Variants in CDK14 observed in about 807,000 individuals in gnomAD.
The protein encoded by CDK14 is cyclin dependent kinase 14.
Under a neutral mutation model 60.7 loss-of-function variants are expected in CDK14, and 34 were observed. That is an observed-to-expected ratio of 0.56 (90% CI 0.43 to 0.75). The LOEUF (loss-of-function observed/expected upper bound fraction) is 0.75, where lower values mean the gene tolerates loss of function less well. CDK14 is among the 30% of genes least tolerant of loss of function. The probability of loss-of-function intolerance (pLI) is 0.00; values close to 1 mark genes in which losing one functional copy is unlikely to be tolerated. For missense variants in CDK14, 482 were observed against 564.1 expected, an observed-to-expected ratio of 0.85 and a Z score of 1.47; for synonymous variants, 197 against 203.7, an observed-to-expected ratio of 0.97 and a Z score of 0.28.
At chr7:90,599,299 T>A (rs1799265465) in intron 1 of CDK14, among the ~76,000 whole-genome samples, 1 of 152,250 alleles carries the variant, frequency 6.6e-6, no homozygotes, top group South Asian at 2.1e-4. Flanking sequence ...AATTCCATCA[T>A]ACTGACATAA....
At chr7:91,136,113 A>G (rs1204902805) in intron 14 of CDK14, among the ~76,000 whole-genome samples, 2 of 152,180 alleles carry the variant, frequency 1.3e-5, no homozygotes, top group Non-Finnish European at 2.9e-5. Context: ...GTTTATGTCT[A>G]AAATGGAGGC....
chr7:91,172,383 C>T (rs766542), intron 14 of CDK14, among the ~76,000 whole-genome samples: 144,765 of 152,280 alleles, frequency 0.95, 68,846 homozygotes, highest in East Asian at 1. Context: ...TCTCCTCCAC[C>T]CCCCATTGTC....
chr7:90,728,348 T>C (rs950846723), intron 3 of CDK14, among the ~76,000 whole-genome samples: 9 of 152,024 alleles, frequency 5.9e-5, no homozygotes, highest in Admixed American at 5.2e-4. Flanking sequence ...TAGTTGGATG[T>C]TGGCATTATT....
At chr7:90,711,395 G>A (rs1802053792) in intron 2 of CDK14, among the ~76,000 whole-genome samples, 1 of 151,534 alleles carries the variant, frequency 6.6e-6, no homozygotes, top group South Asian at 2.1e-4. Flanking sequence ...TTTGGAAGAT[G>A]ATGCGCCCTG....
At chr7:90,778,132 A>G (rs1313046588) in intron 4 of CDK14, among the ~76,000 whole-genome samples, 1 of 152,232 alleles carries the variant, frequency 6.6e-6, no homozygotes, top group African/African-American at 2.4e-5. Flanking sequence ...CCAGACTCAT[A>G]AATACCAATG....
chr7:90,975,017 G>C (rs1795029097), intron 9 of CDK14, among the ~76,000 whole-genome samples: 1 of 152,120 alleles, frequency 6.6e-6, no homozygotes, highest in Non-Finnish European at 1.5e-5. Flanking sequence ...TCTGAGAAAG[G>C]TAATGGTGGC....
chr7:90,744,551 C>T (rs887959532), intron 3 of CDK14, among the ~76,000 whole-genome samples: 7 of 152,208 alleles, frequency 4.6e-5, no homozygotes, highest in Non-Finnish European at 7.3e-5. Context: ...GGGTCATGGC[C>T]GGGCAGAGGG....
At chr7:90,881,189 A>G (rs1200778333) in intron 6 of CDK14, among the ~76,000 whole-genome samples, 1 of 152,206 alleles carries the variant, frequency 6.6e-6, no homozygotes, top group Non-Finnish European at 1.5e-5. Context: ...GAATGCTAAG[A>G]ACCTTGATAA....
chr7:90,781,671 G>T (rs1186007033), intron 4 of CDK14, among the ~76,000 whole-genome samples: 1 of 151,204 alleles, frequency 6.6e-6, no homozygotes, highest in South Asian at 2.1e-4. Flanking sequence ...TATTAAATAG[G>T]GAATCCTTTC....
At chr7:90,729,681 C>T (rs1802784214) in intron 3 of CDK14, among the ~76,000 whole-genome samples, 1 of 151,414 alleles carries the variant, frequency 6.6e-6, no homozygotes. Context: ...ATTTATATTA[C>T]TTTGTGTGGG....
intron 6 of CDK14, among the ~76,000 whole-genome samples, chr7:90,867,744 A>G (rs1035109643): frequency 2.0e-5 from 3 of 152,154 alleles, no homozygotes; most frequent in East Asian, 1.9e-4. Flanking sequence ...CGCACACCAT[A>G]GTGCACATGG....
chr7:90,834,689 G>A (rs1424627169), intron 5 of CDK14, among the ~76,000 whole-genome samples: 1 of 152,202 alleles, frequency 6.6e-6, no homozygotes, highest in Non-Finnish European at 1.5e-5. Flanking sequence ...GGGACTTTCT[G>A]CTGGATTGAT....
chr7:91,180,579 T>A (rs997626156), intron 14 of CDK14, among the ~76,000 whole-genome samples: 1 of 152,198 alleles, frequency 6.6e-6, no homozygotes, highest in African/African-American at 2.4e-5. Context: ...TTTGCTCATT[T>A]GTGACTTCTA....
chr7:90,799,804 C>T (rs1450735765), intron 5 of CDK14, among the ~76,000 whole-genome samples: 1 of 149,386 alleles, frequency 6.7e-6, no homozygotes. Context: ...ATTTATGCTT[C>T]ATTTTCATTT....
chr7:90,882,365 A>G (rs1340604180), intron 6 of CDK14, among the ~76,000 whole-genome samples: 2 of 152,160 alleles, frequency 1.3e-5, no homozygotes, highest in African/African-American at 4.8e-5. Flanking sequence ...ACACAATGGT[A>G]AAGGGAACAA....
chr7:90,634,594 C>G (rs1007671529), intron 2 of CDK14, among the ~76,000 whole-genome samples: 2 of 152,050 alleles, frequency 1.3e-5, no homozygotes, highest in Non-Finnish European at 2.9e-5. Flanking sequence ...AGTAAACATA[C>G]GTGTGCATGT....
chr7:90,627,532 A>G (rs1252858669), intron 2 of CDK14, among the ~76,000 whole-genome samples: 2 of 152,122 alleles, frequency 1.3e-5, no homozygotes, highest in African/African-American at 4.8e-5. Context: ...CTTTACTGTA[A>G]CTTTTCTTCT....
chr7:90,809,033 C>T (rs961538358), intron 5 of CDK14, among the ~76,000 whole-genome samples: 1 of 152,156 alleles, frequency 6.6e-6, no homozygotes, highest in African/African-American at 2.4e-5. Flanking sequence ...GAGACTTTAA[C>T]ACCCCACTGT....
intron 2 of CDK14, among the ~76,000 whole-genome samples, chr7:90,695,949 G>T (rs1034253768): frequency 2.6e-5 from 4 of 152,082 alleles, no homozygotes; most frequent in African/African-American, 9.7e-5. Flanking sequence ...GAGCAGGATG[G>T]TGATAATTAA....
Sources: allele counts gnomAD v4.1 joint callset (sites outside exome capture counted in the v4.1 genomes callset), GRCh38; gene constraint gnomAD v4.1.1; transcripts MANE v1.5; gene names NCBI Gene and HGNC (gene_info 2026-07-23, HGNC 2026-07-21).